TUFT1: variants seen among roughly 807,000 people sequenced by gnomAD.
The protein encoded by TUFT1 is tuftelin.
A neutral mutation model predicts 57.8 loss-of-function variants in TUFT1; 43 were observed. That is an observed-to-expected ratio of 0.74 (90% CI 0.58 to 0.96). The LOEUF (loss-of-function observed/expected upper bound fraction) is 0.96. Ranked by LOEUF, TUFT1 falls within the 40% of genes least tolerant of loss-of-function variation. TUFT1 has a pLI of 0.00. For synonymous variants in TUFT1, 166 were observed against 176.7 expected (o/e 0.94, Z 0.48); for missense variants, 459 against 489.0 (o/e 0.94, Z 0.58).
In TUFT1 at chr1:151,576,423, C is replaced by T. The variant is rs548344337; in HGVS notation, c.818+1418C>T. On this transcript the variant is annotated intron_variant, in intron 9 of 12. Coordinates refer to ENST00000368849, the MANE Select transcript of TUFT1 (RefSeq NM_020127.3). ...CCTACACTTTAATTCAATTCTGAGA[C>T]GACCCAGAGTTAGTGCAGAACCACA... Among the ~76,000 whole-genome samples, 106 of 152,254 alleles carry T rather than the reference C, an allele frequency of 7.0e-4. 1 individual carries two copies. Among genetic ancestry groups the T allele is most frequent in the South Asian group, 1.0e-3 (5 of 4,824 alleles).
chr1:151,563,754 A>G lies in TUFT1; in HGVS notation c.238-150A>G. 5.9e-6 allele frequency: 4 copies of G among 676,118 alleles called. No homozygotes were observed. In the South Asian group the frequency reaches 7.0e-5, roughly 12 times the overall value. The allele number at this position is 676,118 out of a possible 1,614,324, so 41.9% of individuals were successfully genotyped here. A position where few individuals can be genotyped will look rare whatever the true frequency, so the allele number is the denominator to read the frequency against. ...AACTGATAGACCAAAAAGTAAATAT[A>G]TTTTTAGGTCTTCTGATCCGAATCA... On this transcript the variant is annotated intron_variant, in intron 3 of 12. Transcript: ENST00000368849.
chr1:151,580,253 A>G (rs1318560535), intron 11 of TUFT1, among the ~76,000 whole-genome samples: 1 of 152,226 alleles, frequency 6.6e-6, no homozygotes, highest in East Asian at 1.9e-4. Flanking sequence ...TTATCTTTAG[A>G]GAGTTTGCAG....
intron 1 of TUFT1, among the ~76,000 whole-genome samples, chr1:151,545,382 C>T (rs963153450): frequency 1.3e-5 from 2 of 152,194 alleles, no homozygotes; most frequent in Admixed American, 1.3e-4. Context: ...TTGATGTCTG[C>T]TTTGCCCAAG....
intron 11 of TUFT1, 108 bp downstream of exon 11, chr1:151,579,840 CTGAAGTGA>C: frequency 8.9e-7 from 1 of 1,119,186 alleles, no homozygotes. Context: ...TGCTGTTGCT[CTGAAGTGA>C]ATACCTAGGG....
At position 151,579,746 on chromosome 1, in the gene TUFT1, G is replaced by A. The variant is rs372102721; in HGVS notation, c.1008+14G>A. The A allele has an allele frequency of 9.3e-6, 15 of 1,611,548 alleles. No homozygotes were observed. The African/African-American group carries it at 1.9e-4, about 20-fold the overall frequency. On this transcript the variant is annotated intron_variant, in intron 11 of 12. Transcript: ENST00000368849. ...CTGGAGGCAGAGGTGTGTGTGCTGG[G>A]CAGCCCAGCAGGGGAACAGGACTCT...
Position 151,578,716 on chromosome 1 carries a change from C to T in TUFT1, c.819-5C>T, listed in dbSNP as rs1388119731. 1 of 1,554,928 alleles carries T rather than the reference C, an allele frequency of 6.4e-7. No individual in the cohort carries two copies. The highest frequency in any genetic ancestry group is 8.7e-7 in the Non-Finnish European group (1 of 1,148,006). The stretch of plus-strand genomic sequence containing the variant: ...TTGCCTCAGCCTTCTGGTCTTTATC[C>T]CCAGGGCTGCTACCCTGGAAAAGGA... On this transcript the variant is annotated splice_region_variant and splice_polypyrimidine_tract_variant and intron_variant, in intron 9 of 12. Coordinates refer to ENST00000368849, the MANE Select transcript of TUFT1 (RefSeq NM_020127.3).
intron 5 of TUFT1, chr1:151,565,121 C>T (rs1234434791): frequency 6.5e-6 from 1 of 152,848 alleles, no homozygotes; most frequent in African/African-American, 2.4e-5. Context: ...GAGTTCACCC[C>T]ACCCCACCCC....
intron 7 of TUFT1, among the ~76,000 whole-genome samples, chr1:151,573,868 G>A (rs1355604071): frequency 6.6e-6 from 1 of 152,196 alleles, no homozygotes; most frequent in Non-Finnish European, 1.5e-5. Context: ...GAGGTGTTGA[G>A]GAGACAGAAG....
At chr1:151,557,591 A>C in intron 1 of TUFT1, 1 of 1,101,452 alleles carries the variant, frequency 9.1e-7, no homozygotes. Context: ...AAGGCCATGC[A>C]GCCTCTCAAG....
chr1:151,557,990 A>T, intron 1 of TUFT1: 4 of 204,794 alleles, frequency 2.0e-5, no homozygotes, highest in East Asian at 1.3e-4. Flanking sequence ...AAAAAAACTT[A>T]AAAAAAAAAA....
At chr1:151,543,530 A>G (rs1001047140) in intron 1 of TUFT1, among the ~76,000 whole-genome samples, 2 of 152,234 alleles carry the variant, frequency 1.3e-5, no homozygotes, top group Non-Finnish European at 2.9e-5. Flanking sequence ...TATAAACAAC[A>G]GAGAATGACT....
chr1:151,561,496 C>G (rs1558007640), intron 1 of TUFT1: 1 of 942,226 alleles, frequency 1.1e-6, no homozygotes, highest in Non-Finnish European at 1.3e-6. Context: ...CACACACACA[C>G]ACACACACAC....
Position 151,542,205 on chromosome 1 carries a change from TTCTTTTCTTTTC to T in TUFT1, c.60+1798_60+1809del, listed in dbSNP as rs796288336. Among the ~76,000 whole-genome samples the T allele has an allele frequency of 5.7e-4, 86 of 152,116 alleles. 1 individual carries two copies. The highest frequency in any genetic ancestry group is 1.6e-3 in the African/African-American group (65 of 41,492). ...TCTACTATTTTTTTTCTTTCTTCCTTTCTTTTCTTTTCTCTTTTCTTTTCTCTTTTTTTGAGA... is the reference window on the plus strand; with the variant it reads ...TCTACTATTTTTTTTCTTTCTTCCTTTCTTTTCTTTTCTCTTTTTTTGAGA... On this transcript the variant is annotated intron_variant, in intron 1 of 12. Coordinates refer to ENST00000368849, the MANE Select transcript of TUFT1 (RefSeq NM_020127.3).
At chr1:151,565,639 G>A (rs544696864) in intron 5 of TUFT1, among the ~76,000 whole-genome samples, 7 of 152,200 alleles carry the variant, frequency 4.6e-5, no homozygotes, top group African/African-American at 1.2e-4. Context: ...TGCACAAACC[G>A]GCTGTCATAT....
intron 9 of TUFT1, among the ~76,000 whole-genome samples, chr1:151,578,352 C>T (rs1365380538): frequency 6.6e-6 from 1 of 152,140 alleles, no homozygotes; most frequent in Non-Finnish European, 1.5e-5. Context: ...CTCTGTCACC[C>T]AGGCTGGAGT....
chr1:151,573,347 C>T (rs1312018573), intron 7 of TUFT1, among the ~76,000 whole-genome samples: 2 of 152,186 alleles, frequency 1.3e-5, no homozygotes, highest in Non-Finnish European at 2.9e-5. Context: ...GAAGGGGCAT[C>T]TAAGTGAGAC....
At chr1:151,563,318 C>T (rs1665959541) in intron 3 of TUFT1, among the ~76,000 whole-genome samples, 1 of 151,994 alleles carries the variant, frequency 6.6e-6, no homozygotes, top group East Asian at 1.9e-4. Flanking sequence ...CAGTGCATAA[C>T]AAAACTGCAT....
chr1:151,557,311 T>A (rs1292138716), intron 1 of TUFT1: 1 of 496,496 alleles, frequency 2.0e-6, no homozygotes, highest in East Asian at 3.2e-5. Flanking sequence ...AATATTATCA[T>A]ATTTAAATAT....
chr1:151,545,126 C>A (rs970189941), intron 1 of TUFT1, among the ~76,000 whole-genome samples: 7 of 152,046 alleles, frequency 4.6e-5, no homozygotes, highest in Non-Finnish European at 8.8e-5. Flanking sequence ...GCCTGACCAA[C>A]ATGGCAAAAC....
Sources: allele counts gnomAD v4.1 joint callset (sites outside exome capture counted in the v4.1 genomes callset), GRCh38; gene constraint gnomAD v4.1.1; transcripts MANE v1.5; gene names NCBI Gene and HGNC (gene_info 2026-07-23, HGNC 2026-07-21).